Variants in SYF2 observed in about 807,000 individuals in gnomAD.
SYF2 encodes pre-mRNA-splicing factor SYF2.
Under a neutral mutation model 32.7 loss-of-function variants are expected in SYF2, and 21 were observed. The ratio of observed to expected loss-of-function variants is 0.64; its 90% CI spans 0.45 to 0.92. SYF2 has a LOEUF of 0.92. SYF2 is among the 40% of genes least tolerant of loss of function. The probability of loss-of-function intolerance (pLI) is 0.00; values close to 1 mark genes in which losing one functional copy is unlikely to be tolerated. For synonymous variants in SYF2, 114 were observed against 103.9 expected (o/e 1.10, Z -0.59); for missense variants, 278 against 296.5 (o/e 0.94, Z 0.46).
At chr1:25,231,430 T>G (rs1219245252) in intron 2 of SYF2, 1 of 152,234 alleles carries the variant, frequency 6.6e-6, no homozygotes, top group Admixed American at 6.6e-5. Context: ...TGCTTGGATA[T>G]CTCTTTCTCT....
chr1:25,223,667 CATT>C (rs1638450442), intron 6 of SYF2, among the ~76,000 whole-genome samples: 2 of 152,174 alleles, frequency 1.3e-5, no homozygotes, highest in South Asian at 4.1e-4. Flanking sequence ...AGCGATGACT[CATT>C]GTTGGGAACT....
At chr1:25,227,948 C>A (rs559152954) in intron 4 of SYF2, among the ~76,000 whole-genome samples, 170 bp downstream of exon 4, 1 of 152,128 alleles carries the variant, frequency 6.6e-6, no homozygotes, top group Non-Finnish European at 1.5e-5. Context: ...TGAAGTACAG[C>A]CTTTTTTTTT....
intron 5 of SYF2, among the ~76,000 whole-genome samples, chr1:25,226,508 C>T (rs945737606): frequency 1.3e-5 from 2 of 152,202 alleles, no homozygotes; most frequent in African/African-American, 4.8e-5. Flanking sequence ...TCTGGTCCTT[C>T]ACAGAAAAAG....
Position 25,224,883 on chromosome 1 carries a change from A to G in SYF2, c.566+119T>C. On this transcript the variant is annotated intron_variant, in intron 6 of 6. Coordinates refer to ENST00000236273, the MANE Select transcript of SYF2 (RefSeq NM_015484.5). ...ATAGACAGGTCAAAAATTAGCAAGTATAACTGTACAATTTCTATCTTTTGA... is the reference window on the plus strand; with the variant it reads ...ATAGACAGGTCAAAAATTAGCAAGTGTAACTGTACAATTTCTATCTTTTGA... 12 of 772,376 alleles carry G rather than the reference A, an allele frequency of 1.6e-5. 1 individual carries two copies. The South Asian group carries it at 2.0e-4, about 13-fold the overall frequency. 47.8% of individuals were successfully genotyped at this position (772,376 alleles called of 1,614,324 possible).
intron 5 of SYF2, among the ~76,000 whole-genome samples, chr1:25,225,472 G>A (rs1032424381): frequency 1.1e-4 from 17 of 151,700 alleles, no homozygotes; most frequent in Non-Finnish European, 2.4e-4. Context: ...AGGCTGCAGC[G>A]AGCCAAGATC....
intron 6 of SYF2, among the ~76,000 whole-genome samples, chr1:25,224,768 A>G (rs977755138): frequency 6.6e-6 from 1 of 152,160 alleles, no homozygotes; most frequent in African/African-American, 2.4e-5. Flanking sequence ...TTCCCCTTCA[A>G]TATTAACAAT....
At chr1:25,228,913 C>A in intron 3 of SYF2, 85 bp downstream of exon 3, 1 of 1,492,370 alleles carries the variant, frequency 6.7e-7, no homozygotes, top group Non-Finnish European at 9.0e-7. Flanking sequence ...GCCTAAGAGC[C>A]AGTGTATACA....
intron 5 of SYF2, among the ~76,000 whole-genome samples, chr1:25,226,863 C>G (rs111540714): frequency 0.012 from 1,801 of 152,156 alleles, 34 homozygotes; most frequent in African/African-American, 0.041. Flanking sequence ...TGTCTGTAAT[C>G]CTAGCTACTG....
chr1:25,225,261 C>G (rs966834615), intron 5 of SYF2, among the ~76,000 whole-genome samples, 161 bp from the exon 6 acceptor site: 1 of 152,174 alleles, frequency 6.6e-6, no homozygotes, highest in Non-Finnish European at 1.5e-5. Context: ...GGTGCAGTGG[C>G]TCACATCTGT....
At chr1:25,224,124 G>T (rs968161275) in intron 6 of SYF2, among the ~76,000 whole-genome samples, 1 of 152,086 alleles carries the variant, frequency 6.6e-6, no homozygotes. Context: ...AAACTGGCAG[G>T]TGGAGGTTGT....
At chr1:25,228,024 G>C in intron 4 of SYF2, 94 bp downstream of exon 4, 1 of 982,682 alleles carries the variant, frequency 1.0e-6, no homozygotes, top group Non-Finnish European at 1.6e-6. Context: ...AATATCCCAC[G>C]AAGCACAAGA....
chr1:25,223,496 A>G, intron 6 of SYF2, 65 bp from the exon 7 acceptor site: 1 of 1,490,930 alleles, frequency 6.7e-7, no homozygotes. Flanking sequence ...ATAAAACACA[A>G]CCAAACAGGA....
At chr1:25,226,022 G>C (rs1638504435) in intron 5 of SYF2, among the ~76,000 whole-genome samples, 1 of 151,766 alleles carries the variant, frequency 6.6e-6, no homozygotes. Context: ...GCCAGGCGTG[G>C]TGGCGGGCAC....
intron 6 of SYF2, among the ~76,000 whole-genome samples, chr1:25,224,521 G>C (rs1166740458): frequency 6.6e-6 from 1 of 152,102 alleles, no homozygotes; most frequent in African/African-American, 2.4e-5. Context: ...GCCTCCCAAA[G>C]TGCTAGGATT....
At chr1:25,224,180 T>A (rs548208940) in intron 6 of SYF2, among the ~76,000 whole-genome samples, 97 of 150,862 alleles carry the variant, frequency 6.4e-4, no homozygotes, top group Middle Eastern at 3.5e-3. Context: ...GGCAATAGAG[T>A]GAGACTCCGT....
chr1:25,226,414 T>A (rs1571488663), intron 5 of SYF2, among the ~76,000 whole-genome samples: 1 of 152,352 alleles, frequency 6.6e-6, no homozygotes, highest in South Asian at 2.1e-4. Context: ...TTATGAATTC[T>A]CTGCAGCTGC....
At chr1:25,231,245 G>C (rs1287926292) in intron 2 of SYF2, 1 of 152,188 alleles carries the variant, frequency 6.6e-6, no homozygotes, top group Non-Finnish European at 1.5e-5. Flanking sequence ...TCTTTGTTTT[G>C]TCTCACTACA....
Position 25,232,097 on chromosome 1 carries a change from T to C in SYF2, c.132+7A>G. On this transcript the variant is annotated splice_region_variant and intron_variant, in intron 2 of 6. Coordinates refer to ENST00000236273, the MANE Select transcript of SYF2 (RefSeq NM_015484.5). ...ACGGATCTAAGCCGGCCTCCAAGACTACTCACCCGCATCAGGTGCAGCTCC... is the reference window on the plus strand; with the variant it reads ...ACGGATCTAAGCCGGCCTCCAAGACCACTCACCCGCATCAGGTGCAGCTCC... The C allele has an allele frequency of 1.9e-6, 3 of 1,613,176 alleles. No homozygotes were observed. Among genetic ancestry groups the C allele is most frequent in the Non-Finnish European group, 2.5e-6 (3 of 1,179,692 alleles).
chr1:25,230,851 T>G (rs1638614063), intron 2 of SYF2: 1 of 149,168 alleles, frequency 6.7e-6, no homozygotes, highest in Admixed American at 6.7e-5. Context: ...AGATGGAGTC[T>G]CGCTCTGTCG....
Sources: gnomAD v4.1 joint callset for allele counts (sites outside exome capture counted in the v4.1 genomes callset) on GRCh38, gnomAD v4.1.1 for gene constraint, MANE v1.5 for transcripts, NCBI Gene and HGNC (gene_info 2026-07-23, HGNC 2026-07-21) for gene names.